Variants in CADM2 observed in about 807,000 individuals in gnomAD.
CADM2 encodes the protein immunoglobulin superfamily member 4D.
CADM2 carries 12 observed loss-of-function variants against 49.8 expected under a neutral mutation model. That is an observed-to-expected ratio of 0.24 (90% confidence interval 0.15 to 0.39). CADM2 has a LOEUF of 0.39. CADM2 is among the 10% of genes least tolerant of loss of function. The pLI, the probability that CADM2 is intolerant of heterozygous loss-of-function variation, is 1.00. For missense variants in CADM2, 378 were observed against 492.3 expected (o/e 0.77, Z 2.20); for synonymous variants, 214 against 175.4 (o/e 1.22, Z -1.74).
intron 2 of CADM2, among the ~76,000 whole-genome samples, chr3:85,775,144 A>C (rs991781770): frequency 5.3e-5 from 8 of 151,786 alleles, no homozygotes; most frequent in African/African-American, 1.9e-4. Context: ...AATATTTAAC[A>C]TACTTAAGGT....
intron 8 of CADM2, among the ~76,000 whole-genome samples, chr3:86,025,961 G>GA (rs1186646786): frequency 6.6e-6 from 1 of 151,992 alleles, no homozygotes; most frequent in Non-Finnish European, 1.5e-5. Context: ...GTCCAAAAGA[G>GA]AATAATTGGC....
chr3:85,401,169 C>T (rs1164018905), intron 1 of CADM2, among the ~76,000 whole-genome samples: 1 of 152,198 alleles, frequency 6.6e-6, no homozygotes, highest in Non-Finnish European at 1.5e-5. Context: ...TTACCACACT[C>T]ATGGGGGGAC....
intron 1 of CADM2, among the ~76,000 whole-genome samples, chr3:85,367,643 G>A (rs1349085114): frequency 5.9e-5 from 9 of 151,860 alleles, no homozygotes; most frequent in African/African-American, 1.7e-4. Flanking sequence ...AATATGAAGT[G>A]CTTCCCGTAT....
intron 2 of CADM2, among the ~76,000 whole-genome samples, chr3:85,733,170 T>C (rs961987375): frequency 2.0e-5 from 3 of 152,190 alleles, no homozygotes; most frequent in Admixed American, 6.5e-5. Context: ...ACCTCACTTA[T>C]TCCCTCTTGG....
intron 1 of CADM2, among the ~76,000 whole-genome samples, chr3:85,672,470 G>A (rs901997713): frequency 1.3e-5 from 2 of 152,008 alleles, no homozygotes. Flanking sequence ...TTAATGATAT[G>A]CACTAAAGGT....
intron 1 of CADM2, among the ~76,000 whole-genome samples, chr3:85,610,317 A>G (rs2063647148): frequency 6.6e-6 from 1 of 151,986 alleles, no homozygotes. Context: ...TATGCTTTTT[A>G]ATATAATTGA....
intron 1 of CADM2, among the ~76,000 whole-genome samples, chr3:85,531,871 G>A (rs2061319940): frequency 6.6e-6 from 1 of 152,096 alleles, no homozygotes; most frequent in South Asian, 2.1e-4. Context: ...ACATGGTTAT[G>A]TTTTAATATT....
At chr3:85,219,323 G>C (rs1185562790) in intron 1 of CADM2, among the ~76,000 whole-genome samples, 2 of 152,092 alleles carry the variant, frequency 1.3e-5, no homozygotes, top group East Asian at 3.9e-4. Flanking sequence ...TCAGCCATTA[G>C]TGAATGTAAT....
chr3:85,675,910 A>G lies in CADM2; in HGVS notation c.62-50612A>G, dbSNP rs1265025363. Among the ~76,000 whole-genome samples, 3 of 152,232 alleles carry G rather than the reference A, an allele frequency of 2.0e-5. No individual in the cohort carries two copies. In the East Asian group the frequency reaches 5.8e-4, roughly 29 times the overall value. On this transcript the variant is annotated intron_variant, in intron 1 of 9. Coordinates refer to ENST00000383699, the MANE Select transcript of CADM2 (RefSeq NM_001167675.2). ...AGGGAGAAGACATAATGTGCATGGC[A>G]TTGGAAAACAAAATAAAACTCCTGC...
At chr3:86,056,767 A>T (rs1738039713) in intron 8 of CADM2, among the ~76,000 whole-genome samples, 1 of 152,176 alleles carries the variant, frequency 6.6e-6, no homozygotes, top group Non-Finnish European at 1.5e-5. Flanking sequence ...AACAAAGAAA[A>T]TGGTGATTTT....
At chr3:85,187,950 A>C (rs2107717043) in intron 1 of CADM2, among the ~76,000 whole-genome samples, 1 of 152,132 alleles carries the variant, frequency 6.6e-6, no homozygotes, top group Admixed American at 6.5e-5. Context: ...TAAGTCAATA[A>C]AATTATAATG....
At chr3:85,799,873 C>T (rs1211991187) in intron 2 of CADM2, 1 of 152,528 alleles carries the variant, frequency 6.6e-6, no homozygotes, top group African/African-American at 2.4e-5. Context: ...CAGGGACCCA[C>T]TTGAGGAGGC....
At chr3:85,910,623 T>C (rs1717454695) in intron 5 of CADM2, among the ~76,000 whole-genome samples, 2 of 152,110 alleles carry the variant, frequency 1.3e-5, no homozygotes, top group Non-Finnish European at 2.9e-5. Flanking sequence ...GTATCCTGTG[T>C]TATTTACTTT....
At position 85,511,200 on chromosome 3, in the gene CADM2, T is replaced by C. The variant is rs533031270; in HGVS notation, c.62-215322T>C. The stretch of plus-strand genomic sequence containing the variant: ...TTTGGCTACTTTCTCAAATTGGATA[T>C]GGGTGGGAACACAGGAAAATATCCA... On this transcript the variant is annotated intron_variant, in intron 1 of 9. Transcript: ENST00000383699. Among the ~76,000 whole-genome samples, 358 of 152,148 alleles carry C rather than the reference T, an allele frequency of 2.4e-3. 1 individual carries two copies. The highest frequency in any genetic ancestry group is 8.3e-3 in the African/African-American group (346 of 41,536).
intron 1 of CADM2, among the ~76,000 whole-genome samples, chr3:85,281,843 A>G (rs1415088922): frequency 6.6e-6 from 1 of 152,076 alleles, no homozygotes; most frequent in Non-Finnish European, 1.5e-5. Flanking sequence ...GCGGTATGCA[A>G]AGAAAATTAT....
chr3:85,021,363 A>G lies in CADM2; in HGVS notation c.61+61695A>G, dbSNP rs74354934. On this transcript the variant is annotated intron_variant, in intron 1 of 9. Transcript: ENST00000383699. ...TAGTGTAGGTGATTTGTCAGGCCAC[A>G]TCTTGGAATTTATCGAGAATGTCAC... Among the ~76,000 whole-genome samples the G allele has an allele frequency of 3.3e-3, 509 of 152,302 alleles. 6 individuals are homozygous for G. Among genetic ancestry groups the G allele is most frequent in the African/African-American group, 0.012 (478 of 41,548 alleles).
chr3:85,075,684 C>T (rs1427440815), intron 1 of CADM2, among the ~76,000 whole-genome samples: 1 of 152,066 alleles, frequency 6.6e-6, no homozygotes, highest in Non-Finnish European at 1.5e-5. Context: ...GAAACTAGAC[C>T]TGATTTCTGA....
chr3:85,771,993 A>C (rs2070115656), intron 2 of CADM2, among the ~76,000 whole-genome samples: 1 of 127,014 alleles, frequency 7.9e-6, no homozygotes, highest in Non-Finnish European at 1.7e-5. Context: ...GTAGTATTGT[A>C]TTTTTTCTTT....
At chr3:85,886,148 C>G in intron 4 of CADM2, 42 bp from the exon 5 acceptor site, 1 of 1,603,900 alleles carries the variant, frequency 6.2e-7, no homozygotes, top group Non-Finnish European at 8.5e-7. Context: ...ACAAATCAAC[C>G]CTGAAGATTG....
Sources: gnomAD v4.1 joint callset for allele counts (sites outside exome capture counted in the v4.1 genomes callset) on GRCh38, gnomAD v4.1.1 for gene constraint, MANE v1.5 for transcripts, NCBI Gene and HGNC (gene_info 2026-07-23, HGNC 2026-07-21) for gene names.